The following ITGA8 variants were observed in gnomAD, a reference collection of about 807,000 sequenced individuals.
ITGA8 encodes integrin subunit alpha 8, also known as integrin alpha-8.
Under a neutral mutation model 142.3 loss-of-function variants are expected in ITGA8, and 91 were observed. The observed-to-expected ratio is 0.64, with a 90% CI of 0.54 to 0.76. The LOEUF is 0.76. ITGA8 is among the 30% of genes least tolerant of loss of function. ITGA8 has a pLI of 0.00. For missense variants in ITGA8, 1,406 were observed against 1,327.7 expected, an observed-to-expected ratio of 1.06 and a Z score of -0.92; for synonymous variants, 505 against 485.2, an observed-to-expected ratio of 1.04 and a Z score of -0.54.
intron 22 of ITGA8, among the ~76,000 whole-genome samples, chr10:15,588,304 A>C (rs1221825913): frequency 6.6e-6 from 1 of 152,200 alleles, no homozygotes; most frequent in Admixed American, 6.5e-5. Context: ...ACCACACATA[A>C]AAGATATAAA....
At chr10:15,539,790 A>C (rs1442019919) in intron 27 of ITGA8, among the ~76,000 whole-genome samples, 1 of 152,162 alleles carries the variant, frequency 6.6e-6, no homozygotes, top group Non-Finnish European at 1.5e-5. Context: ...TTTTCTTTGC[A>C]TTGGGAACAT....
chr10:15,600,037 T>C (rs1193796339), intron 20 of ITGA8, among the ~76,000 whole-genome samples: 2 of 152,250 alleles, frequency 1.3e-5, no homozygotes, highest in Non-Finnish European at 2.9e-5. Context: ...TTACTTAATT[T>C]ATTCTTACCT....
chr10:15,586,618 T>C lies in ITGA8; in HGVS notation c.2338A>G (p.Asn780Asp). ...TCCACCTGCGCTACAGCAGTGATGT[T>C]GATTTGCAGGCTCACAAAATTGCTG... ...PDSNFVSLQI[N>D]ITAVAQVEIR... The change falls in exon 23 of 30, where the codon AAC becomes GAC. Residue 780 changes from asparagine to aspartate, a missense_variant. Transcript: ENST00000378076. The C allele has an allele frequency of 6.2e-7, 1 of 1,613,390 alleles. No individual in the cohort carries two copies. The highest frequency in any genetic ancestry group is 8.5e-7 in the Non-Finnish European group (1 of 1,179,376).
intron 10 of ITGA8, among the ~76,000 whole-genome samples, chr10:15,657,531 T>TTTTA (rs869085321): frequency 1.4e-5 from 2 of 139,556 alleles, no homozygotes; most frequent in African/African-American, 5.4e-5. Context: ...TTTTTTTTTT[T>TTTTA]AACAGAGACA....
chr10:15,555,757 G>T (rs952432953), intron 26 of ITGA8, among the ~76,000 whole-genome samples: 1 of 149,316 alleles, frequency 6.7e-6, no homozygotes. Flanking sequence ...GTGCAGTGGC[G>T]CGATCTCGGC....
intron 13 of ITGA8, among the ~76,000 whole-genome samples, chr10:15,643,671 G>T (rs984073536): frequency 5.9e-5 from 9 of 152,182 alleles, no homozygotes; most frequent in African/African-American, 2.2e-4. Context: ...AGCTCAAAAG[G>T]GTTAAAATAA....
chr10:15,545,523 C>G (rs1193897380), intron 27 of ITGA8, among the ~76,000 whole-genome samples: 5 of 152,180 alleles, frequency 3.3e-5, no homozygotes, highest in African/African-American at 1.2e-4. Flanking sequence ...TATCCACATG[C>G]CTACCGCTGA....
At position 15,548,550 on chromosome 10, in the gene ITGA8, A is replaced by C. The variant is rs1308251490; in HGVS notation, c.2785T>G (p.Cys929Gly). Residue 929 changes from cysteine to glycine, a missense_variant, in exon 27 of 30, where the codon TGT (cysteine) becomes GGT (glycine). Coordinates refer to ENST00000378076, the MANE Select transcript of ITGA8 (RefSeq NM_003638.3). ...AKILNCTNIECLQISCAVGRL... is the reference protein window; with the variant it reads ...AKILNCTNIEGLQISCAVGRL... ...CCCACTGCACAGGAGATTTGTAAAC[A>C]CTCGATATTTGTACAATTCTGCAAA... 2 of 1,610,618 alleles carry C rather than the reference A, an allele frequency of 1.2e-6. No individual in the cohort carries two copies. Among genetic ancestry groups the C allele is most frequent in the African/African-American group, 2.7e-5 (2 of 74,588 alleles).
chr10:15,655,157 A>G (rs1234120767), intron 11 of ITGA8, among the ~76,000 whole-genome samples, 197 bp downstream of exon 11: 2 of 152,190 alleles, frequency 1.3e-5, no homozygotes, highest in Non-Finnish European at 2.9e-5. Flanking sequence ...GATGTGGAAA[A>G]TCTCCTTAAG....
chr10:15,612,033 C>G (rs987881325), intron 15 of ITGA8, among the ~76,000 whole-genome samples: 12 of 152,162 alleles, frequency 7.9e-5, no homozygotes, highest in Non-Finnish European at 1.5e-4. Flanking sequence ...GCAACTCTCA[C>G]AGTTCATTGT....
chr10:15,535,661 G>A (rs950059222), intron 27 of ITGA8, among the ~76,000 whole-genome samples: 1 of 151,980 alleles, frequency 6.6e-6, no homozygotes, highest in African/African-American at 2.4e-5. Context: ...GATTGTAAAC[G>A]CACCAATCAG....
chr10:15,638,906 C>T lies in ITGA8; in HGVS notation c.1399+5124G>A, dbSNP rs182298150. On this transcript the variant is annotated intron_variant, in intron 13 of 29. Coordinates refer to ENST00000378076, the MANE Select transcript of ITGA8 (RefSeq NM_003638.3). ...TCTTGGGAGCCTGAGGCGGGAGGAT[C>T]GCTTGAGGCCAGGAGTTTGAAACCA... is the stretch of plus-strand genomic sequence containing the variant. 8.7e-4 allele frequency among the ~76,000 whole-genome samples: 133 copies of T among 152,014 alleles called. 3 individuals carry two copies. In the East Asian group the frequency reaches 0.02, roughly 23 times the overall value.
intron 25 of ITGA8, among the ~76,000 whole-genome samples, chr10:15,561,959 G>C (rs1833991033): frequency 6.6e-6 from 1 of 152,170 alleles, no homozygotes; most frequent in South Asian, 2.1e-4. Context: ...TGGCAGGAGG[G>C]AGAATGAACA....
intron 13 of ITGA8, among the ~76,000 whole-genome samples, chr10:15,621,392 A>C (rs1041243531): frequency 2.6e-5 from 4 of 152,116 alleles, no homozygotes; most frequent in Admixed American, 6.5e-5. Context: ...AGAAAAAAAA[A>C]CCCTAAAAAT....
Position 15,548,460 on chromosome 10 carries a change from G to A in ITGA8, c.2875C>T (p.Leu959Phe), listed in dbSNP as rs2131557780. The A allele has an allele frequency of 6.2e-7, 1 of 1,606,950 alleles. No individual in the cohort carries two copies. Among genetic ancestry groups the A allele is most frequent in the Non-Finnish European group, 8.5e-7 (1 of 1,176,412 alleles). Reference protein sequence around the residue: ...VRSRLWAHTFLQRKNDPYALA... With the variant: ...VRSRLWAHTFFQRKNDPYALA... ...CTTCTGTGGTTGTTTATTACCTGGA[G>A]GAAGGTGTGGGCCCATAATCGTGAC... The change falls in exon 27 of 30, where the codon CTC becomes TTC. Residue 959 changes from leucine (L) to phenylalanine (F), a missense_variant. By Grantham distance (22) the Leu-to-Phe change is conservative (BLOSUM62 0). Transcript: ENST00000378076.
intron 13 of ITGA8, among the ~76,000 whole-genome samples, chr10:15,623,423 C>T (rs7098803): frequency 0.24 from 36,545 of 152,038 alleles, 4,565 homozygotes; most frequent in Admixed American, 0.32. Flanking sequence ...TAGTAGCTCA[C>T]GCCTGTAATC....
intron 20 of ITGA8, among the ~76,000 whole-genome samples, chr10:15,598,248 G>A (rs1462214448): frequency 1.3e-5 from 2 of 152,140 alleles, no homozygotes; most frequent in African/African-American, 4.8e-5. Context: ...AATTTGGGGG[G>A]AATTTCTGTC....
chr10:15,606,994 T>C (rs1431479830), intron 17 of ITGA8, among the ~76,000 whole-genome samples: 3 of 152,114 alleles, frequency 2.0e-5, no homozygotes, highest in African/African-American at 7.2e-5. Flanking sequence ...ACGGTGGATA[T>C]GTCACCCTTC....
chr10:15,558,046 C>T, intron 26 of ITGA8, 28 bp downstream of exon 26: 1 of 1,612,978 alleles, frequency 6.2e-7, no homozygotes, highest in African/African-American at 1.3e-5. Flanking sequence ...TCATTTCCCT[C>T]AGTTCTATGC....
Sources: allele counts gnomAD v4.1 joint callset (sites outside exome capture counted in the v4.1 genomes callset), GRCh38; gene constraint gnomAD v4.1.1; transcripts MANE v1.5; gene names NCBI Gene and HGNC (gene_info 2026-07-23, HGNC 2026-07-21).